Variants in AMOT observed in about 807,000 individuals in gnomAD.
AMOT encodes angiomotin.
A neutral mutation model predicts 67.0 loss-of-function variants in AMOT; 11 were observed. The ratio of observed to expected loss-of-function variants is 0.16; its 90% CI spans 0.10 to 0.27. The LOEUF (loss-of-function observed/expected upper bound fraction) is 0.27. AMOT is among the 10% of genes least tolerant of loss of function. AMOT has a pLI of 1.00. For missense variants in AMOT, 753 were observed against 852.0 expected (o/e 0.88, Z 1.45); for synonymous variants, 326 against 321.4 (o/e 1.01, Z -0.15).
intron 7 of AMOT, among the ~76,000 whole-genome samples, chrX:112,807,696 T>C (rs1050968049): frequency 4.5e-5 from 5 of 111,968 alleles, no homozygotes; most frequent in Admixed American, 9.5e-5. Flanking sequence ...TCAAATGAGA[T>C]AGAAGATTTA....
chrX:112,838,201 C>T (rs1206255855), intron 1 of AMOT, among the ~76,000 whole-genome samples: 1 of 111,826 alleles, frequency 8.9e-6, no homozygotes, highest in Admixed American at 9.5e-5. Flanking sequence ...AACTTCTAAC[C>T]ATCCTGAGAA....
chrX:112,805,920 C>T (rs1005404675), intron 7 of AMOT, among the ~76,000 whole-genome samples: 4 of 111,593 alleles, frequency 3.6e-5, no homozygotes, highest in African/African-American at 9.8e-5. Context: ...TGTGAATCTC[C>T]TTTTCTCCCT....
intron 12 of AMOT, chrX:112,780,604 T>C: frequency 5.4e-6 from 2 of 371,033 alleles, no homozygotes; most frequent in East Asian, 8.0e-5. Flanking sequence ...CTGAGAATAG[T>C]TTAGAGGAAA....
intron 4 of AMOT, chrX:112,819,296 C>T (rs1005037816): frequency 2.9e-5 from 21 of 713,878 alleles, no homozygotes; most frequent in Non-Finnish European, 3.1e-5. Context: ...AGGTGCCACC[C>T]AATAGCCTGG....
At chrX:112,805,639 A>G (rs1016871723) in intron 7 of AMOT, among the ~76,000 whole-genome samples, 1 of 112,042 alleles carries the variant, frequency 8.9e-6, no homozygotes, top group African/African-American at 3.3e-5. Flanking sequence ...TCTACTCGAC[A>G]ACATGTCCTC....
At chrX:112,789,484 A>C (rs1400223242) in intron 10 of AMOT, among the ~76,000 whole-genome samples, 2 of 110,502 alleles carry the variant, frequency 1.8e-5, no homozygotes, top group Non-Finnish European at 3.8e-5. Context: ...GAAGACAAGC[A>C]GATGACATTA....
chrX:112,835,982 T>C (rs780413171), intron 1 of AMOT, among the ~76,000 whole-genome samples: 1 of 112,360 alleles, frequency 8.9e-6, no homozygotes, highest in South Asian at 3.7e-4. Context: ...AGACCTCAGA[T>C]GAAGAACCCA....
rs958845487 is a variant in AMOT at position 112,784,313 on chromosome X, A to T, written c.2118-1651T>A. Among the ~76,000 whole-genome samples the T allele has an allele frequency of 2.7e-5, 3 of 112,248 alleles. No homozygotes were observed. In the East Asian group the frequency reaches 8.4e-4, roughly 31 times the overall value. ...CACTCTGCCCCTAACAAGCTTTATG[A>T]CCTCTGAAAGTCAAATTACCTGCTC... On this transcript the variant is annotated intron_variant, in intron 10 of 13. Transcript: ENST00000371959.
At chrX:112,815,213 T>G in intron 5 of AMOT, 145 bp downstream of exon 5, 1 of 789,572 alleles carries the variant, frequency 1.3e-6, no homozygotes, top group Non-Finnish European at 1.8e-6. Context: ...AAAGTTTGAC[T>G]CATATCTAAC....
chrX:112,822,941 C>G lies in AMOT; in HGVS notation c.186G>C (p.Leu62Phe), dbSNP rs1569404697. 1.7e-6 allele frequency: 2 copies of G among 1,167,717 alleles called. No individual in the cohort carries two copies. The highest frequency in any genetic ancestry group is 2.3e-6 in the Non-Finnish European group (2 of 873,044). Residue 62 changes from leucine (L) to phenylalanine (F), a missense_variant, in exon 4 of 14, where the codon TTG (leucine) becomes TTC (phenylalanine). Around this residue, in one of 5 missense-constraint regions of AMOT, gnomAD observed 118 missense variants for 125.9 expected, o/e 0.94. Coordinates refer to ENST00000371959, the MANE Select transcript of AMOT (RefSeq NM_001113490.2). ...GCTGTTGGTGGTGGTCTTGGGGACT[C>G]AACACATCACTCTGAGGGCCCGGGT... is the stretch of plus-strand genomic sequence containing the variant. ...SGNPGPQSDVLSPQDHHQQLV... is the reference protein window; with the variant it reads ...SGNPGPQSDVFSPQDHHQQLV...
chrX:112,788,505 T>C (rs1021256290), intron 10 of AMOT, among the ~76,000 whole-genome samples: 2 of 111,512 alleles, frequency 1.8e-5, no homozygotes, highest in African/African-American at 6.5e-5. Flanking sequence ...CTCTCAAATA[T>C]AGAATCTCAT....
intron 2 of AMOT, among the ~76,000 whole-genome samples, chrX:112,831,484 T>G (rs1167354454): frequency 9.9e-6 from 1 of 100,871 alleles, no homozygotes; most frequent in Non-Finnish European, 1.9e-5. Context: ...AATAAATAAA[T>G]AAATAAAAAG....
intron 10 of AMOT, among the ~76,000 whole-genome samples, chrX:112,787,532 T>C (rs776435200): frequency 8.9e-6 from 1 of 111,978 alleles, no homozygotes; most frequent in African/African-American, 3.2e-5. Context: ...AGCGATCAAA[T>C]TCAAGGGCAC....
intron 5 of AMOT, among the ~76,000 whole-genome samples, chrX:112,813,674 A>T (rs1170115521): frequency 9.0e-6 from 1 of 111,098 alleles, no homozygotes; most frequent in Non-Finnish European, 1.9e-5. Flanking sequence ...TCTGGCAAAA[A>T]GGGCCCGTAT....
intron 8 of AMOT, among the ~76,000 whole-genome samples, chrX:112,804,309 T>C (rs1024049092): frequency 1.4e-4 from 15 of 110,700 alleles, no homozygotes; most frequent in Non-Finnish European, 2.3e-4. Context: ...TGAAATAAGC[T>C]GTAAACTGTC....
At position 112,840,453 on chromosome X, in the gene AMOT, C is replaced by A; in HGVS notation, c.-290G>T. 1 of 112,799 alleles carries A rather than the reference C, an allele frequency of 8.9e-6. No homozygotes were observed. The highest frequency in any genetic ancestry group is 4.6e-3 in the Middle Eastern group (1 of 219). 9.3% of individuals were successfully genotyped at this position (112,799 alleles called of 1,213,427 possible). On this transcript the variant is annotated splice_region_variant and 5_prime_UTR_variant, in exon 1 of 14. Transcript: ENST00000371959. ...GAAAAGTAACCACGCGTCTCCTACCCCTGAAGGCAAAGAAGACAAGGTGAC... is the reference window on the plus strand; with the variant it reads ...GAAAAGTAACCACGCGTCTCCTACCACTGAAGGCAAAGAAGACAAGGTGAC...
chrX:112,804,312 A>C (rs1934102744), intron 8 of AMOT, among the ~76,000 whole-genome samples: 1 of 110,833 alleles, frequency 9.0e-6, no homozygotes, highest in African/African-American at 3.3e-5. Context: ...AATAAGCTGT[A>C]AACTGTCCCT....
chrX:112,780,450 C>T (rs1321791374), intron 12 of AMOT: 2 of 145,779 alleles, frequency 1.4e-5, no homozygotes, highest in South Asian at 2.6e-4. Context: ...GCTACCCAAA[C>T]GATTTAGTGT....
Position 112,819,502 on chromosome X carries a change from T to C in AMOT, c.872+2753A>G, listed in dbSNP as rs187171028. On this transcript the variant is annotated intron_variant, in intron 4 of 13. Transcript: ENST00000371959. The stretch of plus-strand genomic sequence containing the variant: ...TTTCAAGAAACCTCAGATCTGGGCA[T>C]GATTTCAACAATTGAAAGGAGGTGG... 163 of 529,855 alleles carry C rather than the reference T, an allele frequency of 3.1e-4. No homozygotes were observed. In the African/African-American group the frequency reaches 3.9e-3, roughly 13 times the overall value. 43.7% of individuals were successfully genotyped at this position (529,855 alleles called of 1,213,427 possible).
Sources: allele counts gnomAD v4.1 joint callset (sites outside exome capture counted in the v4.1 genomes callset), GRCh38; gene constraint gnomAD v4.1.1; regional missense constraint gnomAD v4.1.1; transcripts MANE v1.5; gene names NCBI Gene and HGNC (gene_info 2026-07-23, HGNC 2026-07-21).